Variants in IQSEC1 observed in about 807,000 individuals in gnomAD.
IQSEC1 encodes the protein IQ motif and SEC7 domain-containing protein 1.
Under a neutral mutation model 91.0 loss-of-function variants are expected in IQSEC1, and 31 were observed. The observed-to-expected ratio is 0.34, with a 90% confidence interval of 0.26 to 0.46. The LOEUF (loss-of-function observed/expected upper bound fraction) is 0.46, where lower values mean the gene tolerates loss of function less well. Ranked by LOEUF, IQSEC1 falls within the 20% of genes least tolerant of loss-of-function variation. The pLI, the probability that IQSEC1 is intolerant of heterozygous loss-of-function variation, is 1.00. For synonymous variants in IQSEC1, 699 were observed against 662.6 expected (o/e 1.05, Z -0.84); for missense variants, 1,388 against 1,575.6 (o/e 0.88, Z 2.02).
rs1694451857 is a variant in IQSEC1 at position 13,211,712 on chromosome 3, A to G, written c.273-47579T>C. On this transcript the variant is annotated intron_variant, in intron 1 of 15. Transcript: ENST00000648114. The surrounding 1 kb of genome is among the most constrained non-coding windows in gnomAD (Gnocchi z 5.3). Reference sequence around the variant, plus strand: ...CCTGCTCAGCCACCACGTTTCCCAAATCTAGGTGCCCAGCCTCCAGGCCTT... The same window carrying G: ...CCTGCTCAGCCACCACGTTTCCCAAGTCTAGGTGCCCAGCCTCCAGGCCTT... Among the ~76,000 whole-genome samples, 2 of 151,920 alleles carry G rather than the reference A, an allele frequency of 1.3e-5. No individual in the cohort carries two copies. The highest frequency in any genetic ancestry group is 6.6e-5 in the Admixed American group (1 of 15,250).
chr3:13,192,674 C>T (rs1028044542), intron 1 of IQSEC1, among the ~76,000 whole-genome samples: 1 of 152,248 alleles, frequency 6.6e-6, no homozygotes, highest in Non-Finnish European at 1.5e-5. Flanking sequence ...CCTGCGGGGG[C>T]AGTGAGAGGT....
At chr3:13,187,109 T>C (rs992566125) in intron 1 of IQSEC1, among the ~76,000 whole-genome samples, 2 of 152,098 alleles carry the variant, frequency 1.3e-5, no homozygotes, top group African/African-American at 4.8e-5. Flanking sequence ...TATGCATGTA[T>C]CCACCCATCC....
In IQSEC1 at chr3:12,974,457, G is replaced by C. The variant is rs886631341; in HGVS notation, c.24-32592C>G. 7.9e-5 allele frequency among the ~76,000 whole-genome samples: 12 copies of C among 152,378 alleles called. No individual in the cohort carries two copies. In the East Asian group the frequency reaches 2.3e-3, roughly 29 times the overall value. On this transcript the variant is annotated intron_variant, in intron 1 of 13. Coordinates refer to ENST00000613206, the MANE Select transcript of IQSEC1 (RefSeq NM_001134382.3). ...CCATCCCTCCTGGTCCCCCTGCAGA[G>C]CCTAGTTGGGTGAGCTGGACTGCCT... is the stretch of plus-strand genomic sequence containing the variant.
intron 1 of IQSEC1, among the ~76,000 whole-genome samples, chr3:13,219,573 C>T (rs565616004): frequency 9.5e-4 from 145 of 152,378 alleles, no homozygotes; most frequent in African/African-American, 3.4e-3. Context: ...AACACCCACC[C>T]GGCGGTCTTC....
chr3:13,169,341 C>T (rs1333360622), intron 1 of IQSEC1, among the ~76,000 whole-genome samples: 3 of 152,240 alleles, frequency 2.0e-5, no homozygotes, highest in African/African-American at 7.2e-5. Context: ...TGAGGCCTCC[C>T]TAGCCATGTG....
chr3:13,117,638 G>A (rs1033092931), intron 2 of IQSEC1, among the ~76,000 whole-genome samples: 1 of 135,228 alleles, frequency 7.4e-6, no homozygotes, highest in African/African-American at 2.8e-5. Flanking sequence ...TATAATCCCA[G>A]CACTCTGAGA....
intron 1 of IQSEC1, among the ~76,000 whole-genome samples, chr3:13,019,087 G>A (rs1428371533): frequency 6.6e-6 from 1 of 152,234 alleles, no homozygotes; most frequent in South Asian, 2.1e-4. Context: ...AACTCTACAG[G>A]CGAGGAAACA....
rs975052218 is a variant in IQSEC1, at chr3:12,967,711, G to C, written c.24-25846C>G. On this transcript the variant is annotated intron_variant, in intron 1 of 13. Transcript: ENST00000613206. The surrounding 1 kb of genome is among the most constrained non-coding windows in gnomAD (Gnocchi z 5.9). The stretch of plus-strand genomic sequence containing the variant: ...CTTGGCGCAGCGCGAGGCCGGGCCG[G>C]AGGAATGTGGCCCTGAAGTGGGCGG... 39 of 1,120,870 alleles carry C rather than the reference G, an allele frequency of 3.5e-5. No homozygotes were observed. The highest frequency in any genetic ancestry group is 3.9e-5 in the Non-Finnish European group (36 of 918,372). The allele number at this position is 1,120,870 out of a possible 1,614,324, so 69.4% of individuals were successfully genotyped here.
upstream of IQSEC1, among the ~76,000 whole-genome samples, chr3:13,076,175 T>C (rs953160785): frequency 1.3e-5 from 2 of 152,198 alleles, no homozygotes; most frequent in African/African-American, 2.4e-5. Flanking sequence ...ACCCTGGTTA[T>C]ATCACAGAAT....
chr3:12,905,286 C>T (rs892901630), intron 12 of IQSEC1, among the ~76,000 whole-genome samples: 1 of 152,272 alleles, frequency 6.6e-6, no homozygotes, highest in Non-Finnish European at 1.5e-5. Context: ...ACAACCTTTT[C>T]AGCTTCCTCA....
intron 2 of IQSEC1, among the ~76,000 whole-genome samples, chr3:13,109,985 C>T (rs1460529858): frequency 2.7e-5 from 4 of 149,566 alleles, no homozygotes; most frequent in South Asian, 2.1e-4. Flanking sequence ...CAGGTTCAAG[C>T]GATTCTCCTG....
chr3:13,012,328 T>G (rs577920844), intron 1 of IQSEC1, among the ~76,000 whole-genome samples: 9 of 152,184 alleles, frequency 5.9e-5, no homozygotes, highest in African/African-American at 2.2e-4. Flanking sequence ...CCTCCATTGC[T>G]CCTAAAATCT....
At chr3:13,052,895 T>C (rs899932178) in intron 1 of IQSEC1, 18 of 772,290 alleles carry the variant, frequency 2.3e-5, no homozygotes, top group Non-Finnish European at 4.1e-5. Context: ...GGTGACATTT[T>C]CTGCTTGATA....
At chr3:12,942,548 A>G (rs1698851711) in intron 1 of IQSEC1, among the ~76,000 whole-genome samples, 1 of 152,100 alleles carries the variant, frequency 6.6e-6, no homozygotes, top group Admixed American at 6.5e-5. Flanking sequence ...GCTTGCAGTG[A>G]GCCAAGATTG....
chr3:13,270,625 A>C (rs1420455761), intron 1 of IQSEC1, among the ~76,000 whole-genome samples: 1 of 152,220 alleles, frequency 6.6e-6, no homozygotes, highest in Non-Finnish European at 1.5e-5. Context: ...AACAAGTTTT[A>C]TCATGCTCTG....
chr3:13,267,621 C>CT lies in IQSEC1; in HGVS notation c.272+15089dup, dbSNP rs559615780. Among the ~76,000 whole-genome samples, 634 of 134,582 alleles carry CT rather than the reference C, an allele frequency of 4.7e-3. 1 individual carries two copies. The highest frequency in any genetic ancestry group is 7.8e-3 in the Middle Eastern group (2 of 258). The allele number at this position is 134,582 out of a possible 152,430, so 88.3% of individuals were successfully genotyped here. A position where few individuals can be genotyped will look rare whatever the true frequency, so the allele number is the denominator to read the frequency against. ...GCAAATTTCTTTTTTTTTTCTTTTT[C>CT]TTTTTTTTTTTTTTTAGACAGAGTC... On this transcript the variant is annotated intron_variant, in intron 1 of 15. Transcript: ENST00000648114.
intron 1 of IQSEC1, among the ~76,000 whole-genome samples, chr3:12,973,854 C>A (rs1701025470): frequency 6.6e-6 from 1 of 152,134 alleles, no homozygotes; most frequent in Non-Finnish European, 1.5e-5. Flanking sequence ...AAGCAGGGAG[C>A]ACTTCCCCAG....
At chr3:13,121,696 T>C (rs371192245) in intron 2 of IQSEC1, among the ~76,000 whole-genome samples, 3 of 152,110 alleles carry the variant, frequency 2.0e-5, no homozygotes. Flanking sequence ...CCACTGACTG[T>C]GAGGTGCAAA....
At chr3:13,097,518 C>A (rs949746079) in intron 2 of IQSEC1, among the ~76,000 whole-genome samples, 1 of 152,302 alleles carries the variant, frequency 6.6e-6, no homozygotes, top group African/African-American at 2.4e-5. Context: ...CCTGCCAGCT[C>A]GAGCCTCAGT....
Sources: allele counts gnomAD v4.1 joint callset (sites outside exome capture counted in the v4.1 genomes callset), GRCh38; gene constraint gnomAD v4.1.1; non-coding constraint Gnocchi (gnomAD v3.1); transcripts MANE v1.5; gene names NCBI Gene and HGNC (gene_info 2026-07-23, HGNC 2026-07-21).